RNF2: variants seen among roughly 807,000 people sequenced by gnomAD.
RNF2 encodes the protein ring finger protein 2.
Under a neutral mutation model 37.2 loss-of-function variants are expected in RNF2, and 6 were observed. That is an observed-to-expected ratio of 0.16 (90% confidence interval 0.09 to 0.32). The LOEUF (loss-of-function observed/expected upper bound fraction) is 0.32. Ranked by LOEUF, RNF2 falls within the 10% of genes least tolerant of loss-of-function variation. RNF2 has a pLI of 1.00. For synonymous variants in RNF2, 133 were observed against 132.7 expected, an observed-to-expected ratio of 1.00 and a Z score of -0.02; for missense variants, 251 against 404.0, an observed-to-expected ratio of 0.62 and a Z score of 3.25.
chr1:185,079,428 T>G (rs1300269357), intron 1 of RNF2, among the ~76,000 whole-genome samples: 1 of 152,172 alleles, frequency 6.6e-6, no homozygotes, highest in Non-Finnish European at 1.5e-5. Context: ...TAGGAGATTA[T>G]AGTCAGCCTG....
At chr1:185,070,479 T>C (rs1353933523) in intron 1 of RNF2, among the ~76,000 whole-genome samples, 1 of 152,168 alleles carries the variant, frequency 6.6e-6, no homozygotes, top group Non-Finnish European at 1.5e-5. Flanking sequence ...CCTTGAATGG[T>C]CTTGGGAACA....
Position 185,081,315 on chromosome 1 carries a change from T to C in RNF2, c.-2-6237T>C, listed in dbSNP as rs537060994. On this transcript the variant is annotated intron_variant, in intron 1 of 6. Transcript: ENST00000367510. The stretch of plus-strand genomic sequence containing the variant: ...TCTTCCCTGCAAAAAGTTGTCAAGA[T>C]GCTTGAAGAAGTGGTAGTTGGTTGG... Among the ~76,000 whole-genome samples, 33 of 152,250 alleles carry C rather than the reference T, an allele frequency of 2.2e-4. No homozygotes were observed. In the South Asian group the frequency reaches 6.6e-3, roughly 31 times the overall value.
At chr1:185,096,474 G>T (rs547310968) in intron 4 of RNF2, among the ~76,000 whole-genome samples, 1 of 151,804 alleles carries the variant, frequency 6.6e-6, no homozygotes, top group Non-Finnish European at 1.5e-5. Context: ...CCCAGTTCCC[G>T]GTAACTGTCA....
At chr1:185,073,304 A>T (rs747043892) in intron 1 of RNF2, among the ~76,000 whole-genome samples, 14 of 151,994 alleles carry the variant, frequency 9.2e-5, no homozygotes, top group Non-Finnish European at 1.3e-4. Flanking sequence ...TTAATTTTTT[A>T]AAATTTTTTT....
intron 1 of RNF2, among the ~76,000 whole-genome samples, chr1:185,054,299 GA>G (rs1163749238): frequency 1.3e-5 from 2 of 152,162 alleles, no homozygotes; most frequent in African/African-American, 2.4e-5. Context: ...TACAGGTAAG[GA>G]AATGGCGGCT....
At chr1:185,054,003 C>T (rs184006594) in intron 1 of RNF2, among the ~76,000 whole-genome samples, 3 of 152,142 alleles carry the variant, frequency 2.0e-5, no homozygotes, top group East Asian at 1.9e-4. Context: ...ATTCCCCCCC[C>T]ACCCAGTGTT....
intron 1 of RNF2, among the ~76,000 whole-genome samples, chr1:185,068,592 C>G (rs567238072): frequency 6.6e-6 from 1 of 152,220 alleles, no homozygotes; most frequent in Non-Finnish European, 1.5e-5. Context: ...GGAACAGATT[C>G]TCCCCTAGGG....
At chr1:185,078,215 C>G (rs757309039) in intron 1 of RNF2, among the ~76,000 whole-genome samples, 3 of 152,184 alleles carry the variant, frequency 2.0e-5, no homozygotes, top group Non-Finnish European at 2.9e-5. Context: ...TCACTGCATT[C>G]CAGCCTGGGT....
chr1:185,096,671 A>G (rs1246659518), intron 4 of RNF2, among the ~76,000 whole-genome samples: 1 of 151,910 alleles, frequency 6.6e-6, no homozygotes, highest in African/African-American at 2.4e-5. Flanking sequence ...TACTTAAATG[A>G]CCTCAGCATG....
In RNF2 at chr1:185,076,268, G is replaced by GTTTTTTTTTTTTTTTTTTT. The variant is rs71101959; in HGVS notation, c.-2-11262_-2-11244dup. Among the ~76,000 whole-genome samples, 33 of 27,344 alleles carry GTTTTTTTTTTTTTTTTTTT rather than the reference G, an allele frequency of 1.2e-3. 12 individuals carry two copies. Among genetic ancestry groups the GTTTTTTTTTTTTTTTTTTT allele is most frequent in the Non-Finnish European group, 1.8e-3 (24 of 13,184 alleles). 17.9% of individuals were successfully genotyped at this position (27,344 alleles called of 152,430 possible). ...TTTTCTTCTAGATCTTTTATGGGTT[G>GTTTTTTTTTTTTTTTTTTT]TTTTTTTTTTTTTTTTTTTTTTTTT... is the stretch of plus-strand genomic sequence containing the variant. On this transcript the variant is annotated intron_variant, in intron 1 of 6. Coordinates refer to ENST00000367510, the MANE Select transcript of RNF2 (RefSeq NM_007212.4).
chr1:185,087,678 G>A (rs376235387), intron 2 of RNF2, 38 bp downstream of exon 2: 3 of 1,402,692 alleles, frequency 2.1e-6, no homozygotes, highest in African/African-American at 1.4e-5. Flanking sequence ...CATATGAGAC[G>A]TGTAAACTGG....
At chr1:185,071,190 TCAGTTACGCATTCATCTCAGGGTAGGC>T (rs1650962027) in intron 1 of RNF2, among the ~76,000 whole-genome samples, 1 of 152,052 alleles carries the variant, frequency 6.6e-6, no homozygotes. Flanking sequence ...GAGGAAAAAG[TCAGTTACGCATTCATCTCAGGGTAGGC>T]CAAGGGATGA....
At chr1:185,072,390 A>G (rs1341021213) in intron 1 of RNF2, among the ~76,000 whole-genome samples, 1 of 152,122 alleles carries the variant, frequency 6.6e-6, no homozygotes, top group Non-Finnish European at 1.5e-5. Context: ...GTACAGTGCA[A>G]GGTATTGGGG....
intron 1 of RNF2, among the ~76,000 whole-genome samples, chr1:185,071,226 G>T (rs1249643847): frequency 6.6e-6 from 1 of 152,158 alleles, no homozygotes; most frequent in Non-Finnish European, 1.5e-5. Flanking sequence ...GCCAAGGGAT[G>T]ATTTCTGGTT....
intron 2 of RNF2, among the ~76,000 whole-genome samples, chr1:185,090,667 G>A (rs1651741071): frequency 6.6e-6 from 1 of 152,174 alleles, no homozygotes; most frequent in South Asian, 2.1e-4. Context: ...CGTATTGAAA[G>A]CCACTTATTT....
chr1:185,096,509 C>T (rs1436497006), intron 4 of RNF2, among the ~76,000 whole-genome samples: 2 of 151,984 alleles, frequency 1.3e-5, no homozygotes, highest in Admixed American at 1.3e-4. Flanking sequence ...ATGAATTTGA[C>T]TTCTTTAGAT....
In RNF2 at chr1:185,100,269, C is replaced by G; in HGVS notation, c.979C>G (p.Leu327Val). Residue 327 changes from leucine to valine, a missense_variant, in exon 7 of 7, where the codon CTT (leucine) becomes GTT (valine). Leu to Val is a conservative substitution (Grantham distance 32). This residue lies in a region of RNF2 where 59 missense variants were observed against 69.1 expected (regional missense o/e 0.85). Transcript: ENST00000367510. ...CTGGAAAGTGAACAAACCCATGGAA[C>G]TTTATTACGCACCTACAAAGGAGCA... ...KYWKVNKPME[L>V]YYAPTKEHK The G allele has an allele frequency of 6.2e-7, 1 of 1,611,906 alleles. No homozygotes were observed. Among genetic ancestry groups the G allele is most frequent in the Non-Finnish European group, 8.5e-7 (1 of 1,179,228 alleles).
chr1:185,076,165 A>C (rs1351338403), intron 1 of RNF2, among the ~76,000 whole-genome samples: 19 of 149,316 alleles, frequency 1.3e-4, no homozygotes, highest in Non-Finnish European at 2.8e-4. Flanking sequence ...TTTTGTATGC[A>C]GGATTTAAAA....
intron 1 of RNF2, among the ~76,000 whole-genome samples, chr1:185,076,352 G>A (rs1416353532): frequency 4.7e-5 from 6 of 128,698 alleles, no homozygotes; most frequent in African/African-American, 1.2e-4. Context: ...GTGCAGTGGC[G>A]CGATCTTGGC....
Sources: gnomAD v4.1 joint callset for allele counts (sites outside exome capture counted in the v4.1 genomes callset) on GRCh38, gnomAD v4.1.1 for gene constraint, gnomAD v4.1.1 regional missense constraint, MANE v1.5 for transcripts, NCBI Gene and HGNC (gene_info 2026-07-23, HGNC 2026-07-21) for gene names.